Variants in KCNH1 observed in about 807,000 individuals in gnomAD.
KCNH1 encodes the protein voltage-gated delayed rectifier potassium channel KCNH1.
A neutral mutation model predicts 69.2 loss-of-function variants in KCNH1; 27 were observed. That is an observed-to-expected ratio of 0.39 (90% CI 0.29 to 0.54). The LOEUF (loss-of-function observed/expected upper bound fraction) is 0.54, where lower values mean the gene tolerates loss of function less well. Ranked by LOEUF, KCNH1 falls within the 20% of genes least tolerant of loss-of-function variation. KCNH1 has a pLI of 0.68. For synonymous variants in KCNH1, 456 were observed against 487.7 expected (o/e 0.93, Z 0.86); for missense variants, 798 against 1,261.6 (o/e 0.63, Z 5.57).
chr1:210,973,266 C>T (rs2102369112), intron 6 of KCNH1, among the ~76,000 whole-genome samples: 1 of 152,216 alleles, frequency 6.6e-6, no homozygotes, highest in Admixed American at 6.5e-5. Flanking sequence ...AATAATGTAA[C>T]AAAATATGAG....
rs1687422286 is a variant in KCNH1, at chr1:210,919,834, G to A, written c.1268C>T (p.Ala423Val). ...CTGGTAAGGGGTGCCAATGTCCATC[G>A]CTAGTTGGTACAGCCAGCTGTTGTT... ...IRNNSWLYQL[A>V]MDIGTPYQFN... The change falls in exon 7 of 11, where the codon GCG becomes GTG. Residue 423 changes from alanine (A) to valine (V), a missense_variant. Around this residue, in one of 4 missense-constraint regions of KCNH1, gnomAD observed 197 missense variants for 407.7 expected, o/e 0.48. Coordinates refer to ENST00000271751, the MANE Select transcript of KCNH1 (RefSeq NM_172362.3). The surrounding 1 kb of genome is among the most constrained non-coding windows in gnomAD (Gnocchi z 4.2). 1.2e-6 allele frequency: 2 copies of A among 1,614,108 alleles called. No individual in the cohort carries two copies. The highest frequency in any genetic ancestry group is 1.7e-6 in the Non-Finnish European group (2 of 1,180,006).
At chr1:210,888,915 C>G (rs1385815043) in intron 7 of KCNH1, among the ~76,000 whole-genome samples, 1 of 152,090 alleles carries the variant, frequency 6.6e-6, no homozygotes, top group East Asian at 1.9e-4. Flanking sequence ...TAATTAACAG[C>G]CTAACAACCA....
chr1:210,749,748 T>G (rs970875025), intron 10 of KCNH1, among the ~76,000 whole-genome samples: 1 of 150,524 alleles, frequency 6.6e-6, no homozygotes, highest in Non-Finnish European at 1.5e-5. Context: ...CTCACTTTTT[T>G]TTTTTTTTTT....
chr1:210,806,807 C>A (rs11119605), intron 7 of KCNH1, among the ~76,000 whole-genome samples: 644 of 19,054 alleles, frequency 0.034, 93 homozygotes, highest in Middle Eastern at 0.045. Context: ...CCATCTCTAC[C>A]AAAAAAAAAA....
chr1:210,980,889 A>G (rs1416821205), intron 6 of KCNH1, among the ~76,000 whole-genome samples: 1 of 151,964 alleles, frequency 6.6e-6, no homozygotes, highest in Non-Finnish European at 1.5e-5. Flanking sequence ...CTCTACCTAC[A>G]TTTTACATAT....
At chr1:210,984,035 T>C (rs1396414131) in intron 6 of KCNH1, among the ~76,000 whole-genome samples, 2 of 152,210 alleles carry the variant, frequency 1.3e-5, no homozygotes, top group Non-Finnish European at 2.9e-5. Context: ...TTTGCAGCAA[T>C]TGTGAATCGG....
intron 10 of KCNH1, among the ~76,000 whole-genome samples, chr1:210,700,960 T>G (rs1392563159): frequency 8.6e-5 from 13 of 152,034 alleles, no homozygotes; most frequent in Admixed American, 8.5e-4. Flanking sequence ...TTTTTTGAGA[T>G]GGAGTTTCGC....
chr1:210,952,091 G>C (rs994663533), intron 6 of KCNH1, among the ~76,000 whole-genome samples: 1 of 152,054 alleles, frequency 6.6e-6, no homozygotes, highest in African/African-American at 2.4e-5. Flanking sequence ...CCTAGCACCT[G>C]AGCACTTGGT....
intron 1 of KCNH1, among the ~76,000 whole-genome samples, chr1:211,114,882 G>T (rs112436980): frequency 9.9e-4 from 150 of 152,140 alleles, no homozygotes; most frequent in African/African-American, 3.5e-3. Flanking sequence ...ATAAATAAAT[G>T]GAAATATATC....
chr1:210,944,847 A>G (rs972766815), intron 6 of KCNH1, among the ~76,000 whole-genome samples: 2 of 152,158 alleles, frequency 1.3e-5, no homozygotes, highest in African/African-American at 4.8e-5. Flanking sequence ...AACCATCACC[A>G]CTATTCATCT....
chr1:210,947,666 CT>C (rs1467278268), intron 6 of KCNH1, among the ~76,000 whole-genome samples: 1 of 151,838 alleles, frequency 6.6e-6, no homozygotes. Flanking sequence ...AGATACACCA[CT>C]GGTAAGCAAG....
rs188312202 is a variant in KCNH1 at position 211,124,738 on chromosome 1, A to G, written c.79+9129T>C. Among the ~76,000 whole-genome samples the G allele has an allele frequency of 2.8e-4, 42 of 152,326 alleles. No homozygotes were observed. The Middle Eastern group carries it at 0.01, about 37-fold the overall frequency. On this transcript the variant is annotated intron_variant, in intron 1 of 10. Transcript: ENST00000271751. ...TCAATGGGTAATTTGAGGAATGTTT[A>G]ATAAAGGAACTATTTACAAAGGTGT...
chr1:210,968,732 A>T (rs1188584981), intron 6 of KCNH1, among the ~76,000 whole-genome samples: 1 of 151,528 alleles, frequency 6.6e-6, no homozygotes, highest in Non-Finnish European at 1.5e-5. Context: ...TTTTTCTTGT[A>T]AATTTGTTTG....
intron 6 of KCNH1, among the ~76,000 whole-genome samples, chr1:210,935,554 T>C (rs780921895): frequency 1.3e-5 from 2 of 152,180 alleles, no homozygotes; most frequent in Admixed American, 6.5e-5. Context: ...ATATGCTAAA[T>C]ACACTGATTT....
chr1:211,121,474 C>T (rs1691682682), intron 1 of KCNH1, among the ~76,000 whole-genome samples: 1 of 152,146 alleles, frequency 6.6e-6, no homozygotes, highest in African/African-American at 2.4e-5. Context: ...ACTGGCTAGC[C>T]ATATGCAGAA....
intron 6 of KCNH1, among the ~76,000 whole-genome samples, chr1:211,001,723 A>T (rs1239626988): frequency 4.6e-5 from 7 of 152,178 alleles, no homozygotes; most frequent in African/African-American, 1.4e-4. Context: ...ACGTATGTTT[A>T]TTGCGGCGCT....
At chr1:210,707,965 A>G (rs911728754) in intron 10 of KCNH1, among the ~76,000 whole-genome samples, 4 of 152,202 alleles carry the variant, frequency 2.6e-5, no homozygotes, top group Non-Finnish European at 5.9e-5. Flanking sequence ...TAGCTATGAT[A>G]CTGGTGTATT....
At chr1:210,963,393 A>C (rs1688335236) in intron 6 of KCNH1, among the ~76,000 whole-genome samples, 1 of 152,136 alleles carries the variant, frequency 6.6e-6, no homozygotes. Context: ...CCAAAGGATC[A>C]CAACTCCTCA....
chr1:210,797,857 C>T, intron 8 of KCNH1, 97 bp from the exon 9 acceptor site: 1 of 1,365,070 alleles, frequency 7.3e-7, no homozygotes, highest in Non-Finnish European at 1.0e-6. Context: ...ATCCACTACG[C>T]CAGACTGCAC....
Sources: allele counts gnomAD v4.1 joint callset (sites outside exome capture counted in the v4.1 genomes callset), GRCh38; gene constraint gnomAD v4.1.1; regional missense constraint gnomAD v4.1.1; non-coding constraint Gnocchi (gnomAD v3.1); transcripts MANE v1.5; gene names NCBI Gene and HGNC (gene_info 2026-07-23, HGNC 2026-07-21).